THOC2: variants seen among roughly 807,000 people sequenced by gnomAD.
THOC2 encodes THO complex subunit 2.
A neutral mutation model predicts 128.4 loss-of-function variants in THOC2; 10 were observed. That is an observed-to-expected ratio of 0.08 (90% CI 0.05 to 0.13). THOC2 has a LOEUF of 0.13. Ranked by LOEUF, THOC2 falls within the 10% of genes least tolerant of loss-of-function variation. THOC2 has a pLI of 1.00. For synonymous variants in THOC2, 393 were observed against 396.9 expected (o/e 0.99, Z 0.12); for missense variants, 535 against 1,155.7 (o/e 0.46, Z 7.79).
chrX:123,658,956 G>A (rs2147773994), intron 12 of THOC2, among the ~76,000 whole-genome samples: 1 of 112,158 alleles, frequency 8.9e-6, no homozygotes, highest in African/African-American at 3.2e-5. Flanking sequence ...GGATTTTGCT[G>A]TGAACCTAAA....
At chrX:123,619,680 AAAAT>A in intron 32 of THOC2, 2 of 342,780 alleles carry the variant, frequency 5.8e-6, no homozygotes, top group East Asian at 9.7e-5. Context: ...TCAGAATTTA[AAAAT>A]AAATGTCAAT....
At position 123,656,946 on chromosome X, in the gene THOC2, G is replaced by A. The variant is rs180919143; in HGVS notation, c.1386+8696C>T. 2.2e-3 allele frequency among the ~76,000 whole-genome samples: 242 copies of A among 110,673 alleles called. 1 individual carries two copies. The highest frequency in any genetic ancestry group is 7.6e-3 in the African/African-American group (232 of 30,404). ...AACTCCTTGAACCCAGGGGGCGGAGGTTGCAGTGAGCCAAGATCATGCCAT... is the reference window on the plus strand; with the variant it reads ...AACTCCTTGAACCCAGGGGGCGGAGATTGCAGTGAGCCAAGATCATGCCAT... On this transcript the variant is annotated intron_variant, in intron 12 of 38. Coordinates refer to ENST00000245838, the MANE Select transcript of THOC2 (RefSeq NM_001081550.2).
chrX:123,628,079 C>A (rs2047330142), intron 22 of THOC2, 111 bp from the exon 23 acceptor site: 2 of 600,744 alleles, frequency 3.3e-6, no homozygotes, highest in South Asian at 6.2e-5. Context: ...CAAAAGATGA[C>A]CAATCTCAAA....
intron 25 of THOC2, among the ~76,000 whole-genome samples, chrX:123,625,221 A>G (rs2047222324): frequency 9.0e-6 from 1 of 110,518 alleles, no homozygotes; most frequent in African/African-American, 3.3e-5. Flanking sequence ...CCTCCTGAGT[A>G]GCTGGGACTA....
chrX:123,618,919 C>T (rs965474587), intron 33 of THOC2, among the ~76,000 whole-genome samples: 8 of 111,396 alleles, frequency 7.2e-5, no homozygotes, highest in Non-Finnish European at 1.1e-4. Flanking sequence ...GGTACCTCAG[C>T]AGAGGATATA....
chrX:123,693,257 G>C (rs1197783503), intron 7 of THOC2, among the ~76,000 whole-genome samples: 1 of 111,946 alleles, frequency 8.9e-6, no homozygotes, highest in Non-Finnish European at 1.9e-5. Context: ...CCAGGAGTTC[G>C]AGACCAGCCC....
At chrX:123,704,342 G>A (rs761644971) in intron 3 of THOC2, among the ~76,000 whole-genome samples, 1 of 111,782 alleles carries the variant, frequency 8.9e-6, no homozygotes, top group South Asian at 3.8e-4. Flanking sequence ...CTAAAAGCTG[G>A]TTTGGGCAGT....
chrX:123,638,750 A>T (rs535327687), intron 17 of THOC2, among the ~76,000 whole-genome samples, 184 bp downstream of exon 17: 1,944 of 99,135 alleles, frequency 0.02, 19 homozygotes, highest in African/African-American at 0.031. Flanking sequence ...ACACACACAC[A>T]CTCTCTCTCT....
chrX:123,681,030 G>A (rs1046195463), intron 8 of THOC2, among the ~76,000 whole-genome samples: 1 of 110,635 alleles, frequency 9.0e-6, no homozygotes, highest in African/African-American at 3.3e-5. Context: ...GTCACCATTG[G>A]AGGCTGCTAT....
At chrX:123,606,187 T>C (rs1359855017) in intron 38 of THOC2, among the ~76,000 whole-genome samples, 1 of 107,474 alleles carries the variant, frequency 9.3e-6, no homozygotes, top group Non-Finnish European at 1.9e-5. Context: ...TGTGTAATCG[T>C]ACCACTTTGA....
At chrX:123,611,980 C>A (rs977202613) in intron 36 of THOC2, among the ~76,000 whole-genome samples, 1 of 110,577 alleles carries the variant, frequency 9.0e-6, no homozygotes, top group Admixed American at 9.7e-5. Context: ...CACCACTTCA[C>A]ACTTACTGGA....
chrX:123,640,003 T>C (rs2047844948), intron 16 of THOC2, among the ~76,000 whole-genome samples: 1 of 110,932 alleles, frequency 9.0e-6, no homozygotes, highest in Non-Finnish European at 1.9e-5. Context: ...CTGGCCAACA[T>C]GGTGAAACCA....
At chrX:123,610,142 G>A (rs1005941431) in intron 38 of THOC2, 2 of 110,846 alleles carry the variant, frequency 1.8e-5, no homozygotes, top group African/African-American at 6.6e-5. Context: ...TAATACTAAG[G>A]CATCACCAAA....
At chrX:123,692,995 C>T (rs1283766664) in intron 7 of THOC2, among the ~76,000 whole-genome samples, 2 of 111,280 alleles carry the variant, frequency 1.8e-5, no homozygotes, top group Non-Finnish European at 3.8e-5. Flanking sequence ...ACAGAGAAAC[C>T]CATCCAAAGA....
At chrX:123,606,318 G>A (rs761003181) in intron 38 of THOC2, among the ~76,000 whole-genome samples, 7 of 109,512 alleles carry the variant, frequency 6.4e-5, no homozygotes, top group African/African-American at 1.7e-4. Flanking sequence ...CAGGCCGGGC[G>A]TGGTGGCTCA....
chrX:123,639,750 G>A (rs1037300870), intron 16 of THOC2, among the ~76,000 whole-genome samples: 2 of 111,425 alleles, frequency 1.8e-5, no homozygotes, highest in African/African-American at 6.5e-5. Flanking sequence ...CCAAACCTCA[G>A]CATTATGCAA....
chrX:123,669,495 T>C lies in THOC2; in HGVS notation c.862-1181A>G, dbSNP rs761895153. ...CCACCCCAGGGTGATTTTGTACTTT[T>C]AGTAGAGATGGGATTTCAGCATGTT... is the stretch of plus-strand genomic sequence containing the variant. On this transcript the variant is annotated intron_variant, in intron 9 of 38. Transcript: ENST00000245838. 2.7e-5 allele frequency among the ~76,000 whole-genome samples: 3 copies of C among 110,624 alleles called. No homozygotes were observed. In the South Asian group the frequency reaches 1.2e-3, roughly 43 times the overall value.
In THOC2 at chrX:123,654,633, C is replaced by G. The variant is rs184797538; in HGVS notation, c.1387-9258G>C. On this transcript the variant is annotated intron_variant, in intron 12 of 38. Coordinates refer to ENST00000245838, the MANE Select transcript of THOC2 (RefSeq NM_001081550.2). ...ATTAGCTGGGCATGGTGGGCGCGCA[C>G]CTGTAATCCCAGCTACTCAGGAGGC... 4.6e-3 allele frequency among the ~76,000 whole-genome samples: 482 copies of G among 105,646 alleles called. 1 individual carries two copies. The highest frequency in any genetic ancestry group is 7.6e-3 in the Non-Finnish European group (392 of 51,645). The allele number at this position is 105,646 out of a possible 115,157, so 91.7% of individuals were successfully genotyped here. A position where few individuals can be genotyped will look rare whatever the true frequency, so the allele number is the denominator to read the frequency against.
chrX:123,665,868 CAAAT>C (rs753987061), intron 11 of THOC2, 31 bp from the exon 12 acceptor site: 48 of 836,774 alleles, frequency 5.7e-5, no homozygotes, highest in Admixed American at 4.8e-4. Flanking sequence ...AATAAATAAA[CAAAT>C]AAATAAGTAT....
Sources: gnomAD v4.1 joint callset for allele counts (sites outside exome capture counted in the v4.1 genomes callset) on GRCh38, gnomAD v4.1.1 for gene constraint, MANE v1.5 for transcripts, NCBI Gene and HGNC (gene_info 2026-07-23, HGNC 2026-07-21) for gene names.